The following CLDN20 variants were observed in gnomAD, a reference collection of about 807,000 sequenced individuals.
The protein encoded by CLDN20 is claudin 20.
For missense variants in CLDN20, 258 were observed against 267.9 expected (o/e 0.96, Z 0.26); for synonymous variants, 104 against 103.6 (o/e 1.00, Z -0.03).
At chr6:155,267,241 T>C (rs7741233) in intron 1 of CLDN20, among the ~76,000 whole-genome samples, 99,826 of 152,066 alleles carry the variant, frequency 0.66, 33,519 homozygotes, top group East Asian at 0.98. Context: ...TCCCAAAGTG[T>C]TGGGATTATG....
chr6:155,265,738 TATATATA>T (rs1045587597), intron 1 of CLDN20, among the ~76,000 whole-genome samples: 174 of 140,548 alleles, frequency 1.2e-3, no homozygotes, highest in African/African-American at 4.2e-3. Context: ...AAATATATAT[TATATATA>T]ATATATAATA....
intron 1 of CLDN20, among the ~76,000 whole-genome samples, chr6:155,269,607 C>T (rs987353747): frequency 2.6e-5 from 4 of 152,102 alleles, no homozygotes; most frequent in African/African-American, 9.7e-5. Flanking sequence ...CAGGTGTGAG[C>T]CACCACGCCC....
chr6:155,264,583 T>C (rs990597515), intron 1 of CLDN20, among the ~76,000 whole-genome samples: 1 of 152,200 alleles, frequency 6.6e-6, no homozygotes, highest in East Asian at 1.9e-4. Flanking sequence ...ACAATATTTA[T>C]TTCTGCAGAA....
chr6:155,265,730 ATATATAT>A (rs796982299), intron 1 of CLDN20, among the ~76,000 whole-genome samples: 2,777 of 146,030 alleles, frequency 0.019, 68 homozygotes, highest in South Asian at 0.049. Context: ...TATAATATAA[ATATATAT>A]TATATATAAT....
intron 1 of CLDN20, among the ~76,000 whole-genome samples, chr6:155,272,044 T>C (rs531533391): frequency 1.4e-4 from 21 of 152,350 alleles, no homozygotes; most frequent in African/African-American, 4.3e-4. Flanking sequence ...CTTTATTTGC[T>C]TTTTTCAAGT....
intron 1 of CLDN20, among the ~76,000 whole-genome samples, chr6:155,268,276 ACT>A (rs1216809347): frequency 6.6e-6 from 1 of 151,970 alleles, no homozygotes; most frequent in Non-Finnish European, 1.5e-5. Flanking sequence ...ACAAAAAAAC[ACT>A]CTGATGGTTC....
chr6:155,264,706 C>G (rs1370531985), intron 1 of CLDN20, among the ~76,000 whole-genome samples: 6 of 152,064 alleles, frequency 3.9e-5, no homozygotes, highest in Non-Finnish European at 8.8e-5. Context: ...CCTCTCAGAG[C>G]AGATGTGGTA....
intron 1 of CLDN20, among the ~76,000 whole-genome samples, chr6:155,266,330 GC>G (rs1267078382): frequency 6.6e-6 from 1 of 152,152 alleles, no homozygotes; most frequent in Non-Finnish European, 1.5e-5. Flanking sequence ...CTTTTCCAAA[GC>G]CCTCGTGTGG....
chr6:155,266,985 TTTGAGACAGAGTCTCACTCTA>T (rs1409301558), intron 1 of CLDN20, among the ~76,000 whole-genome samples: 1 of 150,602 alleles, frequency 6.6e-6, no homozygotes, highest in African/African-American at 2.4e-5. Flanking sequence ...TTTTTTTTTT[TTTGAGACAGAGTCTCACTCTA>T]TCGCCCAGGC....
intron 1 of CLDN20, among the ~76,000 whole-genome samples, chr6:155,268,736 G>A (rs9384306): frequency 0.13 from 19,211 of 151,240 alleles, 1,494 homozygotes; most frequent in Non-Finnish European, 0.18. Context: ...TTGTTAAACA[G>A]ATGCTTGAAG....
chr6:155,270,298 G>A (rs1455686872), intron 1 of CLDN20, among the ~76,000 whole-genome samples: 1 of 152,184 alleles, frequency 6.6e-6, no homozygotes, highest in Non-Finnish European at 1.5e-5. Flanking sequence ...GAGTTCAGGG[G>A]AGAGGGCTGG....
At chr6:155,266,395 TC>T (rs1562390104) in intron 1 of CLDN20, among the ~76,000 whole-genome samples, 1 of 152,044 alleles carries the variant, frequency 6.6e-6, no homozygotes, top group African/African-American at 2.4e-5. Flanking sequence ...TGGGAAAGTA[TC>T]ACACAGTCAA....
chr6:155,273,137 C>T (rs1041310739), intron 1 of CLDN20, among the ~76,000 whole-genome samples: 4 of 152,320 alleles, frequency 2.6e-5, no homozygotes, highest in Admixed American at 2.6e-4. Flanking sequence ...TTGAAAGCAG[C>T]TATTACAAAA....
intron 1 of CLDN20, among the ~76,000 whole-genome samples, chr6:155,269,565 G>A (rs566644107): frequency 1.3e-5 from 2 of 151,848 alleles, no homozygotes; most frequent in African/African-American, 2.4e-5. Context: ...CAGGCGATCC[G>A]CCTGCCTCAG....
rs1225053921 is a variant in CLDN20, at chr6:155,276,191, C to CAAAA, written c.473_474insAAAA (p.His158GlnfsTer3). The CAAAA allele has an allele frequency of 6.2e-7, 1 of 1,614,000 alleles. No homozygotes were observed. The highest frequency in any genetic ancestry group is 8.5e-7 in the Non-Finnish European group (1 of 1,180,016). On this transcript the variant is annotated frameshift_variant, in exon 2 of 2. Transcript: ENST00000367165. LOFTEE classifies it low-confidence loss of function (END_TRUNC). ...TCTGACAGTTCCAGAAAGCAACAAA[C>CAAAA]ATGAACCTGGAGGAGCTATCTATAT...
At chr6:155,273,948 A>C (rs1785055256) in intron 1 of CLDN20, among the ~76,000 whole-genome samples, 1 of 152,264 alleles carries the variant, frequency 6.6e-6, no homozygotes, top group Non-Finnish European at 1.5e-5. Flanking sequence ...TTGTCACAAT[A>C]CATAAGAAAT....
rs755092601 is a variant in CLDN20 at position 155,276,084 on chromosome 6, G to C, written c.365G>C (p.Gly122Ala). 3.7e-6 allele frequency: 6 copies of C among 1,614,154 alleles called. No homozygotes were observed. The South Asian group carries it at 6.6e-5, about 18-fold the overall frequency. Reference protein sequence around the residue: ...ETKSHASFAGGVCFMSAGISS... With the variant: ...ETKSHASFAGAVCFMSAGISS... Reference sequence around the variant, plus strand: ...AAGAGCCATGCTTCCTTTGCTGGAGGAGTCTGTTTCATGTCTGCAGGAATC... The same window carrying C: ...AAGAGCCATGCTTCCTTTGCTGGAGCAGTCTGTTTCATGTCTGCAGGAATC... Residue 122 changes from glycine (G) to alanine (A), a missense_variant, in exon 2 of 2, where the codon GGA becomes GCA. By Grantham distance (60) the Gly-to-Ala change is moderately conservative. Coordinates refer to ENST00000367165, the MANE Select transcript of CLDN20 (RefSeq NM_001001346.3).
rs995616335 is a variant in CLDN20 at position 155,276,432 on chromosome 6, T to G, written c.*53T>G. ...ACTTTTGGGTGCCAAATGGGACTTT[T>G]AGATTAAAAAAAAATCAGAATTATG... is the stretch of plus-strand genomic sequence containing the variant. On this transcript the variant is annotated 3_prime_UTR_variant, in exon 2 of 2. Transcript: ENST00000367165. 2 of 1,476,168 alleles carry G rather than the reference T, an allele frequency of 1.4e-6. No homozygotes were observed. The highest frequency in any genetic ancestry group is 2.6e-5 in the South Asian group (2 of 77,324). 91.4% of individuals were successfully genotyped at this position (1,476,168 alleles called of 1,614,324 possible).
intron 1 of CLDN20, among the ~76,000 whole-genome samples, chr6:155,267,327 G>A (rs1547244): frequency 0.66 from 99,863 of 152,102 alleles, 33,537 homozygotes; most frequent in East Asian, 0.98. Context: ...CCATCTCATA[G>A]CTGTTGAAGT....
Sources: allele counts gnomAD v4.1 joint callset (sites outside exome capture counted in the v4.1 genomes callset), GRCh38; gene constraint gnomAD v4.1.1; transcripts MANE v1.5; gene names NCBI Gene and HGNC (gene_info 2026-07-23, HGNC 2026-07-21).